The following NUDCD3 variants were observed in gnomAD, a reference collection of about 807,000 sequenced individuals.
NUDCD3 encodes NudC domain containing 3, also known as nudC domain-containing protein 3.
NUDCD3 carries 13 observed loss-of-function variants against 39.7 expected under a neutral mutation model. That is an observed-to-expected ratio of 0.33 (90% confidence interval 0.21 to 0.52). The LOEUF is 0.52. NUDCD3 is among the 20% of genes least tolerant of loss of function. NUDCD3 has a pLI of 0.96. For missense variants in NUDCD3, 453 were observed against 458.1 expected (o/e 0.99, Z 0.10); for synonymous variants, 175 against 172.4 (o/e 1.02, Z -0.12).
chr7:44,490,248 T>A (rs1460055511), intron 1 of NUDCD3, 161 bp downstream of exon 1: 3 of 684,748 alleles, frequency 4.4e-6, no homozygotes, highest in African/African-American at 1.9e-5. Context: ...TAAGCTGACA[T>A]CCAATCCGCG....
intron 2 of NUDCD3, among the ~76,000 whole-genome samples, chr7:44,463,788 T>C (rs938174403): frequency 6.6e-6 from 1 of 152,100 alleles, no homozygotes; most frequent in Non-Finnish European, 1.5e-5. Context: ...TTGAGTTTTA[T>C]CTATTTACAA....
intron 4 of NUDCD3, among the ~76,000 whole-genome samples, chr7:44,398,832 C>T (rs1798671211): frequency 1.3e-5 from 2 of 152,178 alleles, no homozygotes; most frequent in South Asian, 4.1e-4. Context: ...GAGACGACAG[C>T]GTGGCAGAGG....
rs778839354 is a variant in NUDCD3 at position 44,404,524 on chromosome 7, C to T, written c.702G>A (p.Glu234=). The T allele has an allele frequency of 2.7e-5, 43 of 1,613,926 alleles. No homozygotes were observed. Among genetic ancestry groups the T allele is most frequent in the Admixed American group, 1.5e-4 (9 of 59,996 alleles). ...IRVAMLEENG[E]RVLMEGKLTH... is the part of the protein sequence containing the mutation. ...TGAGCTTCCCTTCCATGAGGACGCGCTCCCCATTTTCCTCCAGCATGGCCA... is the reference window on the plus strand; with the variant it reads ...TGAGCTTCCCTTCCATGAGGACGCGTTCCCCATTTTCCTCCAGCATGGCCA... Residue 234 remains glutamate, a synonymous_variant, in exon 4 of 6, where the codon GAG becomes GAA. Transcript: ENST00000355451.
At chr7:44,450,744 G>A (rs1273840850) in intron 2 of NUDCD3, among the ~76,000 whole-genome samples, 2 of 152,052 alleles carry the variant, frequency 1.3e-5, no homozygotes, top group Non-Finnish European at 2.9e-5. Flanking sequence ...AAACAATCTG[G>A]CACCTGACAT....
chr7:44,420,008 T>C (rs775433422), intron 3 of NUDCD3, among the ~76,000 whole-genome samples: 1 of 152,102 alleles, frequency 6.6e-6, no homozygotes, highest in African/African-American at 2.4e-5. Context: ...TTTGACAAAT[T>C]GGCAGAAATA....
intron 1 of NUDCD3, among the ~76,000 whole-genome samples, chr7:44,486,250 T>C (rs1051573560): frequency 7.2e-5 from 11 of 152,208 alleles, no homozygotes; most frequent in African/African-American, 2.4e-4. Context: ...AGGGCTAGAA[T>C]GCGGACAGGT....
intron 2 of NUDCD3, chr7:44,468,357 AAAAAAAAAAAAAAG>A (rs1800175209): frequency 7.7e-7 from 1 of 1,303,988 alleles, no homozygotes; most frequent in South Asian, 1.3e-5. Flanking sequence ...TGCAAAAAAA[AAAAAAAAAAAAAAG>A]AAAAGAAAAC....
intron 2 of NUDCD3, chr7:44,481,531 A>G (rs2116979821): frequency 6.6e-6 from 1 of 152,382 alleles, no homozygotes. Context: ...ATACCTTGAC[A>G]GCCATGCCAA....
intron 1 of NUDCD3, among the ~76,000 whole-genome samples, chr7:44,488,953 T>C (rs939195614): frequency 6.6e-6 from 1 of 152,228 alleles, no homozygotes; most frequent in African/African-American, 2.4e-5. Context: ...AAACATCTGA[T>C]ACTATACATA....
Position 44,383,324 on chromosome 7 carries a change from A to T in NUDCD3, c.*2687T>A, listed in dbSNP as rs1194956194. ...ACTCACCCTAAGCTTTCCAGTAACT[A>T]CAGAATTCCAGAACCTGTTTGAAAG... On this transcript the variant is annotated 3_prime_UTR_variant, in exon 6 of 6. Coordinates refer to ENST00000355451, the MANE Select transcript of NUDCD3 (RefSeq NM_015332.4). The T allele has an allele frequency of 2.0e-5, 3 of 152,250 alleles. No homozygotes were observed. The highest frequency in any genetic ancestry group is 4.4e-5 in the Non-Finnish European group (3 of 68,040). The allele number at this position is 152,250 out of a possible 1,614,324, so 9.4% of individuals were successfully genotyped here.
intron 2 of NUDCD3, among the ~76,000 whole-genome samples, chr7:44,465,201 T>C (rs974801281): frequency 5.3e-5 from 8 of 152,364 alleles, no homozygotes; most frequent in Middle Eastern, 3.4e-3. Flanking sequence ...AATTTTCCTC[T>C]ATATTACTAT....
At chr7:44,449,249 T>G (rs1799746172) in intron 2 of NUDCD3, among the ~76,000 whole-genome samples, 1 of 151,978 alleles carries the variant, frequency 6.6e-6, no homozygotes, top group Non-Finnish European at 1.5e-5. Flanking sequence ...AGGAAGAGAA[T>G]CAGGAAAGTA....
At chr7:44,490,066 T>C (rs1800699629) in intron 1 of NUDCD3, 1 of 212,012 alleles carries the variant, frequency 4.7e-6, no homozygotes, top group Non-Finnish European at 9.4e-6. Flanking sequence ...CATGCACGTT[T>C]CTGTTGCTGT....
intron 2 of NUDCD3, among the ~76,000 whole-genome samples, chr7:44,462,287 T>C (rs1421235904): frequency 1.3e-5 from 2 of 152,250 alleles, no homozygotes; most frequent in Non-Finnish European, 2.9e-5. Flanking sequence ...CAACATTTCA[T>C]GAATTGCTAT....
chr7:44,430,202 AG>A (rs1343022490), intron 2 of NUDCD3, among the ~76,000 whole-genome samples: 5 of 152,232 alleles, frequency 3.3e-5, no homozygotes, highest in African/African-American at 1.2e-4. Context: ...AAATGCTAAC[AG>A]GAGACAGTGA....
At position 44,485,298 on chromosome 7, in the gene NUDCD3, C is replaced by T. The variant is rs768236432; in HGVS notation, c.193-14G>A. 6.3e-7 allele frequency: 1 copy of T among 1,591,140 alleles called. No individual in the cohort carries two copies. Among genetic ancestry groups the T allele is most frequent in the Non-Finnish European group, 8.6e-7 (1 of 1,165,362 alleles). Reference sequence around the variant, plus strand: ...GGTTTTGAATACCTAAAATCAAACACCAATCCAGCAATCAGTTCATCTGCC... The same window carrying T: ...GGTTTTGAATACCTAAAATCAAACATCAATCCAGCAATCAGTTCATCTGCC... On this transcript the variant is annotated splice_polypyrimidine_tract_variant and intron_variant, in intron 1 of 5. Coordinates refer to ENST00000355451, the MANE Select transcript of NUDCD3 (RefSeq NM_015332.4).
At chr7:44,479,883 T>A (rs1453027439) in intron 2 of NUDCD3, among the ~76,000 whole-genome samples, 2 of 152,238 alleles carry the variant, frequency 1.3e-5, no homozygotes, top group African/African-American at 4.8e-5. Flanking sequence ...TCTTTCACAT[T>A]CTATTTTCAA....
intron 3 of NUDCD3, among the ~76,000 whole-genome samples, chr7:44,415,744 A>C (rs963016390): frequency 1.3e-5 from 2 of 152,192 alleles, no homozygotes; most frequent in Non-Finnish European, 2.9e-5. Flanking sequence ...CACAGCCCCA[A>C]CACAAACACT....
chr7:44,406,853 A>ACAAATCCTAT (rs1402135762), intron 3 of NUDCD3, among the ~76,000 whole-genome samples: 1 of 152,210 alleles, frequency 6.6e-6, no homozygotes, highest in African/African-American at 2.4e-5. Context: ...GGCACAGGAG[A>ACAAATCCTAT]CAAATCCTAT....
Sources: allele counts gnomAD v4.1 joint callset (sites outside exome capture counted in the v4.1 genomes callset), GRCh38; gene constraint gnomAD v4.1.1; transcripts MANE v1.5; gene names NCBI Gene and HGNC (gene_info 2026-07-23, HGNC 2026-07-21).